GTF3C2: variants seen among roughly 807,000 people sequenced by gnomAD.
GTF3C2 encodes general transcription factor 3C polypeptide 2.
Under a neutral mutation model 117.4 loss-of-function variants are expected in GTF3C2, and 17 were observed. The ratio of observed to expected loss-of-function variants is 0.14; its 90% CI spans 0.10 to 0.22. GTF3C2 has a LOEUF of 0.22. GTF3C2 is among the 10% of genes least tolerant of loss of function. The pLI is 1.00. For missense variants in GTF3C2, 888 were observed against 1,143.6 expected, an observed-to-expected ratio of 0.78 and a Z score of 3.22; for synonymous variants, 437 against 427.0, an observed-to-expected ratio of 1.02 and a Z score of -0.29.
intron 1 of GTF3C2, among the ~76,000 whole-genome samples, chr2:27,353,892 T>C (rs975552148): frequency 1.8e-4 from 27 of 151,916 alleles, no homozygotes; most frequent in Non-Finnish European, 3.4e-4. Flanking sequence ...CTAGCTAATT[T>C]TTATTTTTTT....
chr2:27,349,338 G>A (rs1442508818), intron 1 of GTF3C2, among the ~76,000 whole-genome samples: 2 of 150,652 alleles, frequency 1.3e-5, no homozygotes, highest in East Asian at 2.0e-4. Flanking sequence ...TAGTAGAGAC[G>A]GGGTTTCACC....
chr2:27,337,716 C>T (rs1027939920), intron 5 of GTF3C2, 158 bp from the exon 6 acceptor site: 2 of 691,736 alleles, frequency 2.9e-6, no homozygotes, highest in South Asian at 3.2e-5. Context: ...ATGTGGCTAG[C>T]GCAGCTGAGA....
chr2:27,332,286 C>T (rs968468214), intron 12 of GTF3C2, among the ~76,000 whole-genome samples: 1 of 152,068 alleles, frequency 6.6e-6, no homozygotes, highest in Non-Finnish European at 1.5e-5. Flanking sequence ...GCTGGGATTA[C>T]AGGTGTGAGC....
chr2:27,354,194 G>A (rs1230658109), intron 1 of GTF3C2, among the ~76,000 whole-genome samples: 1 of 151,972 alleles, frequency 6.6e-6, no homozygotes, highest in African/African-American at 2.4e-5. Context: ...GAGGCAGGAG[G>A]ATCGCCTGAG....
At chr2:27,334,688 G>C (rs1047190589) in intron 10 of GTF3C2, among the ~76,000 whole-genome samples, 3 of 151,476 alleles carry the variant, frequency 2.0e-5, no homozygotes, top group African/African-American at 7.3e-5. Flanking sequence ...AGCCGCCCAG[G>C]CTACAGTGCA....
intron 12 of GTF3C2, among the ~76,000 whole-genome samples, chr2:27,331,914 G>A (rs1455053712): frequency 1.3e-5 from 2 of 152,064 alleles, no homozygotes; most frequent in Non-Finnish European, 2.9e-5. Flanking sequence ...ACTCCAGCCT[G>A]GGTGACAGAG....
chr2:27,327,107 C>A, intron 18 of GTF3C2, 70 bp downstream of exon 18: 1 of 838,096 alleles, frequency 1.2e-6, no homozygotes, highest in Admixed American at 2.2e-5. Flanking sequence ...TTTTCATCTA[C>A]CATTTCATCA....
chr2:27,327,477 G>A (rs188616127), intron 17 of GTF3C2, among the ~76,000 whole-genome samples, 193 bp from the exon 18 acceptor site: 13 of 150,952 alleles, frequency 8.6e-5, no homozygotes, highest in East Asian at 5.9e-4. Flanking sequence ...GGCGCCCGCC[G>A]TCACGCCCGG....
At chr2:27,337,798 TA>T in intron 5 of GTF3C2, 127 bp downstream of exon 5, 1 of 728,958 alleles carries the variant, frequency 1.4e-6, no homozygotes, top group East Asian at 2.4e-5. Flanking sequence ...CAGTGCTTTT[TA>T]GTAATGAATG....
At chr2:27,351,559 G>C (rs73921512) in intron 1 of GTF3C2, among the ~76,000 whole-genome samples, 2 of 152,154 alleles carry the variant, frequency 1.3e-5, no homozygotes, top group Admixed American at 1.3e-4. Flanking sequence ...TAGGAGAGCC[G>C]CTTCTCTAGC....
intron 1 of GTF3C2, among the ~76,000 whole-genome samples, chr2:27,349,864 T>G (rs568857951): frequency 1.3e-5 from 2 of 152,048 alleles, no homozygotes; most frequent in Non-Finnish European, 2.9e-5. Flanking sequence ...GGCCTTGAAC[T>G]CCTGACCTCA....
chr2:27,354,147 G>A (rs1466551287), intron 1 of GTF3C2, among the ~76,000 whole-genome samples: 1 of 152,040 alleles, frequency 6.6e-6, no homozygotes, highest in Non-Finnish European at 1.5e-5. Context: ...GCTGGGTGTG[G>A]TGGCAAATAC....
intron 7 of GTF3C2, chr2:27,336,905 C>T (rs899746710): frequency 3.5e-5 from 9 of 255,602 alleles, no homozygotes; most frequent in African/African-American, 1.1e-4. Context: ...CCACCACACC[C>T]GGCCTCCAAA....
intron 1 of GTF3C2, chr2:27,356,291 A>G: frequency 2.6e-6 from 1 of 389,558 alleles, no homozygotes; most frequent in Non-Finnish European, 5.1e-6. Flanking sequence ...AGGCTGGGAC[A>G]CAGCTGAAAG....
At chr2:27,336,406 G>T in exon 8 of GTF3C2, 1 of 1,605,178 alleles carries the variant, frequency 6.2e-7, no homozygotes, top group African/African-American at 1.3e-5. Context: ...CGCTCTGGAT[G>T]TGCTGTGATC....
chr2:27,337,262 G>A, exon 7 of GTF3C2: 1 of 1,605,780 alleles, frequency 6.2e-7, no homozygotes, highest in Non-Finnish European at 8.5e-7. Flanking sequence ...TCGGTAGAGG[G>A]TGCCATCTTC....
intron 12 of GTF3C2, among the ~76,000 whole-genome samples, chr2:27,332,693 CG>C (rs541301225): frequency 2.2e-4 from 33 of 148,132 alleles, no homozygotes; most frequent in African/African-American, 7.7e-4. Flanking sequence ...GGATTACAGG[CG>C]TGAGCCACCG....
exon 16 of GTF3C2, chr2:27,328,579 G>T: frequency 6.2e-7 from 1 of 1,611,484 alleles, no homozygotes; most frequent in Non-Finnish European, 8.5e-7. Context: ...TCCCAAGCCA[G>T]TCGGATCCTG....
chr2:27,336,928 C>T (rs1680502045), intron 7 of GTF3C2, among the ~76,000 whole-genome samples: 1 of 152,192 alleles, frequency 6.6e-6, no homozygotes, highest in African/African-American at 2.4e-5. Context: ...CTGTCTAACT[C>T]CAGCTCATCT....
Sources: gnomAD v4.1 joint callset for allele counts (sites outside exome capture counted in the v4.1 genomes callset) on GRCh38, gnomAD v4.1.1 for gene constraint, MANE v1.5 for transcripts, NCBI Gene and HGNC (gene_info 2026-07-23, HGNC 2026-07-21) for gene names.